The following KLHDC9 variants were observed in gnomAD, a reference collection of about 807,000 sequenced individuals.
KLHDC9 encodes the protein kelch domain containing 9.
In KLHDC9, 26 loss-of-function variants were observed where a neutral mutation model predicts 31.5. The ratio of observed to expected loss-of-function variants is 0.83; its 90% CI spans 0.61 to 1.15. KLHDC9 has a LOEUF of 1.15. Among genes scored for constraint, KLHDC9 ranks in the 50% most tolerant of loss-of-function variants. KLHDC9 has a pLI of 0.00. For synonymous variants in KLHDC9, 176 were observed against 184.7 expected (o/e 0.95, Z 0.38); for missense variants, 437 against 467.7 (o/e 0.93, Z 0.61).
chr1:161,099,255 C>T (rs534107871), intron 1 of KLHDC9, 91 bp from the exon 2 acceptor site: 1 of 1,486,444 alleles, frequency 6.7e-7, no homozygotes, highest in East Asian at 2.3e-5. Context: ...CGCACTGCCC[C>T]ATGCCTCTTC....
chr1:161,098,891 C>A lies in KLHDC9; in HGVS notation c.356C>A (p.Ala119Glu). Residue 119 changes from alanine to glutamate, a missense_variant, in exon 1 of 4, where the codon GCG becomes GAG. Physicochemically the swap from Ala to Glu is moderately radical, Grantham distance 107. Coordinates refer to ENST00000368011, the MANE Select transcript of KLHDC9 (RefSeq NM_152366.5). The surrounding 1 kb of genome is among the most constrained non-coding windows in gnomAD (Gnocchi z 6.3). ...ALDTERGVWE[A>E]WTGTPGDCPP... ...GACACAGAGCGCGGTGTGTGGGAGGCGTGGACAGGGACCCCTGGTGACTGC... is the reference window on the plus strand; with the variant it reads ...GACACAGAGCGCGGTGTGTGGGAGGAGTGGACAGGGACCCCTGGTGACTGC... 6.4e-7 allele frequency: 1 copy of A among 1,573,572 alleles called. No homozygotes were observed. The highest frequency in any genetic ancestry group is 8.6e-7 in the Non-Finnish European group (1 of 1,161,200).
At chr1:161,099,157 C>A in intron 1 of KLHDC9, 95 bp downstream of exon 1, 1 of 1,385,458 alleles carries the variant, frequency 7.2e-7, no homozygotes, top group Non-Finnish European at 1.0e-6. Flanking sequence ...TCCACCTCCT[C>A]ACTCTAGCAC....
At chr1:161,099,915 AAAG>A (rs1654499696) in intron 3 of KLHDC9, 119 bp downstream of exon 3, 1 of 1,318,760 alleles carries the variant, frequency 7.6e-7, no homozygotes, top group Middle Eastern at 1.9e-4. Flanking sequence ...GACAGGAGTT[AAAG>A]GAGTACACAG....
In KLHDC9 at chr1:161,098,426, C is replaced by T; in HGVS notation, c.-110C>T. 1.0e-6 allele frequency: 1 copy of T among 998,240 alleles called. No homozygotes were observed. Among genetic ancestry groups the T allele is most frequent in the Non-Finnish European group, 1.4e-6 (1 of 715,662 alleles). The allele number at this position is 998,240 out of a possible 1,614,324, so 61.8% of individuals were successfully genotyped here. On this transcript the variant is annotated 5_prime_UTR_variant, in exon 1 of 4. Transcript: ENST00000368011. This position sits in a 1 kb window ranked among gnomAD's most constrained non-coding sequence, Gnocchi z 6.3. ...TGAGGTGGGAACCCCGGCTGGCGTC[C>T]GGTAGGGGGAGGTTCCCGGGGAAGC...
rs777828295 is a variant in KLHDC9, at chr1:161,099,739, G to T, written c.829G>T (p.Glu277Ter). The T allele has an allele frequency of 6.2e-7, 1 of 1,614,070 alleles. No homozygotes were observed. Among genetic ancestry groups the T allele is most frequent in the East Asian group, 2.2e-5 (1 of 44,870 alleles). The change falls in exon 3 of 4, where the codon GAA (glutamate) becomes TAA (stop). Residue 277 changes from glutamate (E) to a stop codon, truncating the protein, a stop_gained. Transcript: ENST00000368011. LOFTEE classifies it high-confidence loss of function. ...VGPFAVLFGG[E>*]TLTRARDTIC... ...GCCCTTTGCTGTGCTGTTTGGTGGA[G>T]AAACTCTGACCAGAGCTAGAGACAC...
In KLHDC9 at chr1:161,100,219, A is replaced by C; in HGVS notation, c.1045A>C (p.Ile349Leu). The C allele has an allele frequency of 6.2e-7, 1 of 1,614,084 alleles. No homozygotes were observed. The highest frequency in any genetic ancestry group is 8.5e-7 in the Non-Finnish European group (1 of 1,179,978). ...TCCACAGGTTTGCATCCTGGACTTT[A>C]TCTAAATAGTGCCAAGACACATCAC... Reference protein sequence around the residue: ...ASPQVCILDFI With the variant: ...ASPQVCILDFL The change falls in exon 4 of 4, where the codon ATC becomes CTC. Residue 349 changes from isoleucine to leucine, a missense_variant. Transcript: ENST00000368011.
Position 161,099,640 on chromosome 1 carries a change from A to G in KLHDC9, c.730A>G (p.Arg244Gly). Residue 244 changes from arginine to glycine, a missense_variant, in exon 3 of 4, where the codon AGG becomes GGG. Coordinates refer to ENST00000368011, the MANE Select transcript of KLHDC9 (RefSeq NM_152366.5). ...VAPHLMEQLA[R>G]LVSSGQGSQK... is the part of the protein sequence containing the mutation. ...TCCTCATTTGATGGAACAGCTTGCAAGGCTTGTGAGCAGTGGGCAGGGGTC... is the reference window on the plus strand; with the variant it reads ...TCCTCATTTGATGGAACAGCTTGCAGGGCTTGTGAGCAGTGGGCAGGGGTC... The G allele has an allele frequency of 6.2e-7, 1 of 1,614,200 alleles. No individual in the cohort carries two copies. The highest frequency in any genetic ancestry group is 8.5e-7 in the Non-Finnish European group (1 of 1,180,046).
chr1:161,099,200 T>C lies in KLHDC9; in HGVS notation c.527+138T>C, dbSNP rs765890309. On this transcript the variant is annotated intron_variant, in intron 1 of 3. Transcript: ENST00000368011. ...CCAGGGGAACCTACCATGTTTAAGC[T>C]AGCTGAGCTCTCTACAGTATTACCC... 6 of 1,299,810 alleles carry C rather than the reference T, an allele frequency of 4.6e-6. No homozygotes were observed. The East Asian group carries it at 9.9e-5, about 21-fold the overall frequency. 80.5% of individuals were successfully genotyped at this position (1,299,810 alleles called of 1,614,324 possible). A position where few individuals can be genotyped will look rare whatever the true frequency, so the allele number is the denominator to read the frequency against.
chr1:161,099,642 G>C lies in KLHDC9; in HGVS notation c.732G>C (p.Arg244Ser). ...CTCATTTGATGGAACAGCTTGCAAG[G>C]CTTGTGAGCAGTGGGCAGGGGTCCC... Reference protein sequence around the residue: ...VAPHLMEQLARLVSSGQGSQK... With the variant: ...VAPHLMEQLASLVSSGQGSQK... Residue 244 changes from arginine (R) to serine (S), a missense_variant, in exon 3 of 4, where the codon AGG becomes AGC. By Grantham distance (110) the Arg-to-Ser change is moderately radical (BLOSUM62 -1). Transcript: ENST00000368011. The C allele has an allele frequency of 6.2e-7, 1 of 1,614,236 alleles. No individual in the cohort carries two copies.
rs758102313 is a variant in KLHDC9, at chr1:161,100,102, C to T, written c.928C>T (p.Arg310Cys). The T allele has an allele frequency of 1.1e-5, 18 of 1,614,204 alleles. No homozygotes were observed. Among genetic ancestry groups the T allele is most frequent in the Admixed American group, 1.7e-5 (1 of 60,028 alleles). ...PLWFHFPCAD[R>C]GMKRMGHRTC... ...GTGGTTCCACTTCCCCTGTGCAGAT[C>T]GTGGGATGAAACGCATGGGCCATCG... is the stretch of plus-strand genomic sequence containing the variant. The change falls in exon 4 of 4, where the codon CGT (arginine) becomes TGT (cysteine). Residue 310 changes from arginine (R) to cysteine (C), a missense_variant. Physicochemically the swap from Arg to Cys is radical, Grantham distance 180. Transcript: ENST00000368011.
At chr1:161,099,136 C>T (rs1472422480) in intron 1 of KLHDC9, 74 bp downstream of exon 1, 2 of 1,501,346 alleles carry the variant, frequency 1.3e-6, no homozygotes, top group Admixed American at 3.7e-5. Context: ...GCAGATTTCT[C>T]AGGCAATTTA....
chr1:161,099,119 A>C, intron 1 of KLHDC9, 57 bp downstream of exon 1: 1 of 1,546,920 alleles, frequency 6.5e-7, no homozygotes, highest in South Asian at 1.2e-5. Context: ...GAAAAACAAA[A>C]GCCTAAGCAG....
Position 161,100,102 on chromosome 1 carries a change from C to G in KLHDC9, c.928C>G (p.Arg310Gly). 1.9e-6 allele frequency: 3 copies of G among 1,614,204 alleles called. No individual in the cohort carries two copies. The highest frequency in any genetic ancestry group is 1.1e-5 in the South Asian group (1 of 91,084). Residue 310 changes from arginine (R) to glycine (G), a missense_variant, in exon 4 of 4, where the codon CGT becomes GGT. Arg to Gly is a moderately radical substitution (Grantham distance 125). Transcript: ENST00000368011. ...GTGGTTCCACTTCCCCTGTGCAGAT[C>G]GTGGGATGAAACGCATGGGCCATCG... Reference protein sequence around the residue: ...PLWFHFPCADRGMKRMGHRTC... With the variant: ...PLWFHFPCADGGMKRMGHRTC...
chr1:161,098,919 C>A lies in KLHDC9; in HGVS notation c.384C>A (p.Pro128=). Residue 128 remains proline, a synonymous_variant, in exon 1 of 4, where the codon CCC becomes CCA. Coordinates refer to ENST00000368011, the MANE Select transcript of KLHDC9 (RefSeq NM_152366.5). The surrounding 1 kb of genome is among the most constrained non-coding windows in gnomAD (Gnocchi z 6.3). ...GGACAGGGACCCCTGGTGACTGCCC[C>A]CCCGCCGGCCTCAGTAGTCACACCT... is the stretch of plus-strand genomic sequence containing the variant. ...EAWTGTPGDC[P]PAGLSSHTCT... 6.4e-7 allele frequency: 1 copy of A among 1,571,276 alleles called. No individual in the cohort carries two copies. The highest frequency in any genetic ancestry group is 8.6e-7 in the Non-Finnish European group (1 of 1,162,042).
chr1:161,098,637 CGAACT>C lies in KLHDC9; in HGVS notation c.104_108del (p.Glu35AlafsTer29). 1 of 1,611,852 alleles carries C rather than the reference CGAACT, an allele frequency of 6.2e-7. No individual in the cohort carries two copies. Among genetic ancestry groups the C allele is most frequent in the Non-Finnish European group, 8.5e-7 (1 of 1,178,984 alleles). On this transcript the variant is annotated frameshift_variant, in exon 1 of 4. Transcript: ENST00000368011. LOFTEE classifies it high-confidence loss of function. This position sits in a 1 kb window ranked among gnomAD's most constrained non-coding sequence, Gnocchi z 6.3. ...TGGCTAGAGCTTTCCATTCATGCAC[CGAACT>C]GCGGGGACGGTTCTATCTCGTAGGT...
rs760848121 is a variant in KLHDC9 at position 161,099,342 on chromosome 1, A to G, written c.528-4A>G. On this transcript the variant is annotated splice_region_variant and splice_polypyrimidine_tract_variant and intron_variant, in intron 1 of 3. Transcript: ENST00000368011. ...CTCAGCCCTGAATTTCTGCATGTCC[A>G]CAGCTACAAGCAAGAAGGCTGCCAC... The G allele has an allele frequency of 3.1e-6, 5 of 1,614,040 alleles. No homozygotes were observed. In the East Asian group the frequency reaches 1.1e-4, roughly 36 times the overall value.
At position 161,099,356 on chromosome 1, in the gene KLHDC9, G is replaced by T; in HGVS notation, c.538G>T (p.Glu180Ter). The T allele has an allele frequency of 6.2e-7, 1 of 1,614,228 alleles. No homozygotes were observed. Among genetic ancestry groups the T allele is most frequent in the Non-Finnish European group, 8.5e-7 (1 of 1,180,046 alleles). The part of the protein sequence containing the change: ...PSARTYCYKQ[E>*]GCHTASRSGH... ...TCTGCATGTCCACAGCTACAAGCAA[G>T]AAGGCTGCCACACAGCCTCACGCTC... Residue 180 changes from glutamate (E) to a stop codon, truncating the protein, a stop_gained, in exon 2 of 4, where the codon GAA becomes TAA. Coordinates refer to ENST00000368011, the MANE Select transcript of KLHDC9 (RefSeq NM_152366.5). LOFTEE classifies it high-confidence loss of function.
intron 1 of KLHDC9, 119 bp from the exon 2 acceptor site, chr1:161,099,227 C>T (rs751599100): frequency 6.0e-6 from 8 of 1,329,712 alleles, no homozygotes; most frequent in Non-Finnish European, 8.5e-6. Context: ...GTATTACCCT[C>T]CCTCTTATCC....
intron 1 of KLHDC9, 49 bp from the exon 2 acceptor site, chr1:161,099,297 T>C (rs763565517): frequency 6.2e-7 from 1 of 1,611,760 alleles, no homozygotes; most frequent in East Asian, 2.2e-5. Flanking sequence ...CGGTGGCACT[T>C]ACATTTTCCA....
Sources: gnomAD v4.1 joint callset for allele counts on GRCh38, gnomAD v4.1.1 for gene constraint, Gnocchi (gnomAD v3.1) non-coding constraint, MANE v1.5 for transcripts, NCBI Gene and HGNC (gene_info 2026-07-23, HGNC 2026-07-21) for gene names.